The following KANK1 variants were observed in gnomAD, a reference collection of about 807,000 sequenced individuals.
KANK1 encodes KN motif and ankyrin repeat domains 1.
Under a neutral mutation model 106.2 loss-of-function variants are expected in KANK1, and 109 were observed. The observed-to-expected ratio is 1.03, with a 90% CI of 0.88 to 1.20. The LOEUF (loss-of-function observed/expected upper bound fraction) is 1.20, where lower values mean the gene tolerates loss of function less well. Among genes scored for constraint, KANK1 ranks in the 50% most tolerant of loss-of-function variants. The pLI, the probability that KANK1 is intolerant of heterozygous loss-of-function variation, is 0.00. For synonymous variants in KANK1, 873 were observed against 652.2 expected (o/e 1.34, Z -5.16); for missense variants, 2,399 against 1,710.7 (o/e 1.40, Z -7.10).
At position 647,110 on chromosome 9, in the gene KANK1, G is replaced by T. The variant is rs77699110; in HGVS notation, c.-83-29780G>T. ...TGTTATCTGGCCTAAGCCATAGGTG[G>T]GGAGTGGGGAGGGAGACATCCAAAG... is the stretch of plus-strand genomic sequence containing the variant. On this transcript the variant is annotated intron_variant, in intron 1 of 11. Coordinates refer to ENST00000382297, the MANE Select transcript of KANK1 (RefSeq NM_015158.5). Among the ~76,000 whole-genome samples, 786 of 151,252 alleles carry T rather than the reference G, an allele frequency of 5.2e-3. 78 individuals are homozygous for T. The highest frequency in any genetic ancestry group is 0.019 in the African/African-American group (755 of 40,532).
At chr9:503,210 C>G (rs2058598529), upstream of KANK1, among the ~76,000 whole-genome samples, 1 of 151,960 alleles carries the variant, frequency 6.6e-6, no homozygotes, top group Non-Finnish European at 1.5e-5. Flanking sequence ...GCAAACAATT[C>G]TCCTTTTCAT....
intron 1 of KANK1, among the ~76,000 whole-genome samples, chr9:663,721 C>T (rs904333492): frequency 1.1e-4 from 16 of 152,194 alleles, no homozygotes; most frequent in Non-Finnish European, 1.8e-4. Context: ...CTGCGTGGGT[C>T]TCAGACCCAG....
intron 1 of KANK1, among the ~76,000 whole-genome samples, chr9:585,801 GTGTT>G (rs1403274991): frequency 6.6e-6 from 1 of 152,196 alleles, no homozygotes; most frequent in African/African-American, 2.4e-5. Context: ...CAGGGTGTAA[GTGTT>G]TGTTCTTGGG....
At chr9:554,517 G>C (rs2641985) in intron 1 of KANK1, among the ~76,000 whole-genome samples, 145,208 of 152,306 alleles carry the variant, frequency 0.95, 69,281 homozygotes, top group East Asian at 1. Flanking sequence ...TAAACAGGCT[G>C]TTGGAGGCTA....
At chr9:543,198 A>C (rs2060713733) in intron 1 of KANK1, among the ~76,000 whole-genome samples, 1 of 152,178 alleles carries the variant, frequency 6.6e-6, no homozygotes, top group African/African-American at 2.4e-5. Flanking sequence ...TAAGCCCTTA[A>C]AGGTAATAAG....
chr9:718,676 G>A (rs1338475823), intron 3 of KANK1, among the ~76,000 whole-genome samples: 1 of 152,128 alleles, frequency 6.6e-6, no homozygotes, highest in Non-Finnish European at 1.5e-5. Context: ...AATAGGGTGA[G>A]ATTAGTTTTT....
intron 3 of KANK1, among the ~76,000 whole-genome samples, chr9:718,322 T>TTG (rs386414289): frequency 1.4e-5 from 2 of 147,758 alleles, no homozygotes; most frequent in South Asian, 2.2e-4. Context: ...TTTTTTTTTT[T>TTG]TTACTCTTAA....
intron 1 of KANK1, among the ~76,000 whole-genome samples, chr9:607,400 G>T (rs553484823): frequency 4.8e-5 from 7 of 146,754 alleles, no homozygotes; most frequent in African/African-American, 1.3e-4. Context: ...CAGGAGAATC[G>T]CTTGAATCCG....
intron 1 of KANK1, among the ~76,000 whole-genome samples, chr9:582,278 T>A (rs1822366924): frequency 6.6e-6 from 1 of 152,126 alleles, no homozygotes; most frequent in Non-Finnish European, 1.5e-5. Context: ...GTCAGGAGGA[T>A]TTGAGGCATT....
At chr9:603,191 T>C (rs1428785292) in intron 1 of KANK1, among the ~76,000 whole-genome samples, 1 of 151,858 alleles carries the variant, frequency 6.6e-6, no homozygotes, top group Non-Finnish European at 1.5e-5. Flanking sequence ...TGTAAGAAAT[T>C]TCCCTACTCA....
intron 1 of KANK1, among the ~76,000 whole-genome samples, chr9:537,369 C>T (rs1028991054): frequency 1.3e-5 from 2 of 152,122 alleles, no homozygotes; most frequent in Non-Finnish European, 2.9e-5. Context: ...GTCAGGCCCT[C>T]ACAAGTTAAA....
At chr9:709,664 A>G (rs376096171) in intron 2 of KANK1, among the ~76,000 whole-genome samples, 4 of 147,732 alleles carry the variant, frequency 2.7e-5, no homozygotes, top group Admixed American at 1.4e-4. Context: ...TGCCCAGGCT[A>G]GAATGCAATG....
intron 1 of KANK1, among the ~76,000 whole-genome samples, chr9:615,511 C>G (rs1407109352): frequency 6.6e-6 from 1 of 152,044 alleles, no homozygotes; most frequent in Non-Finnish European, 1.5e-5. Flanking sequence ...TTTCTTTTCT[C>G]TTTTTCTTAT....
chr9:566,599 C>A (rs1285242844), intron 1 of KANK1, among the ~76,000 whole-genome samples: 2 of 152,196 alleles, frequency 1.3e-5, no homozygotes, highest in Admixed American at 6.5e-5. Flanking sequence ...TTGCGTTTCT[C>A]TAATGATCGG....
rs369987887 is a variant in KANK1 at position 604,538 on chromosome 9, T to G, written c.-83-72352T>G. ...CCTCCCCTTGGCCTTCCACCGTGATTATAAGTTTCCTGGCCGGGTGCAGTG... is the reference window on the plus strand; with the variant it reads ...CCTCCCCTTGGCCTTCCACCGTGATGATAAGTTTCCTGGCCGGGTGCAGTG... On this transcript the variant is annotated intron_variant, in intron 1 of 11. Coordinates refer to ENST00000382297, the MANE Select transcript of KANK1 (RefSeq NM_015158.5). Among the ~76,000 whole-genome samples the G allele has an allele frequency of 2.6e-5, 4 of 151,792 alleles. No individual in the cohort carries two copies. In the East Asian group the frequency reaches 5.8e-4, roughly 22 times the overall value.
At chr9:518,923 T>A (rs556972716) in intron 1 of KANK1, among the ~76,000 whole-genome samples, 1 of 151,116 alleles carries the variant, frequency 6.6e-6, no homozygotes, top group Admixed American at 6.6e-5. Context: ...AGAGTTTCGC[T>A]CTTGTTGCCC....
upstream of KANK1, among the ~76,000 whole-genome samples, chr9:503,260 G>T (rs754867565): frequency 1.3e-5 from 2 of 151,958 alleles, no homozygotes; most frequent in Non-Finnish European, 2.9e-5. Flanking sequence ...GGTGGTGGGG[G>T]ATTTTAGAAA....
In KANK1 at chr9:711,137, C is replaced by G. The variant is rs774075971; in HGVS notation, c.371C>G (p.Pro124Arg). The change falls in exon 3 of 12, where the codon CCT (proline) becomes CGT (arginine). Residue 124 changes from proline (P) to arginine (R), a missense_variant. Coordinates refer to ENST00000382297, the MANE Select transcript of KANK1 (RefSeq NM_015158.5). ...ACTCCAATCTCAAAGCCACCTCCCC[C>G]TCTGGAGACCTCACTCCCTTTTCTT... ...TSTPISKPPP[P>R]LETSLPFLTI... 11 of 1,614,074 alleles carry G rather than the reference C, an allele frequency of 6.8e-6. No individual in the cohort carries two copies. The highest frequency in any genetic ancestry group is 5.5e-5 in the South Asian group (5 of 91,090).
chr9:589,190 A>G (rs1226834704), intron 1 of KANK1, among the ~76,000 whole-genome samples: 1 of 152,206 alleles, frequency 6.6e-6, no homozygotes. Context: ...TCCTCACAAC[A>G]CAGCTGTGAA....
Sources: gnomAD v4.1 joint callset for allele counts (sites outside exome capture counted in the v4.1 genomes callset) on GRCh38, gnomAD v4.1.1 for gene constraint, MANE v1.5 for transcripts, NCBI Gene and HGNC (gene_info 2026-07-23, HGNC 2026-07-21) for gene names.